The following CEP112 variants were observed in gnomAD, a reference collection of about 807,000 sequenced individuals.
CEP112 encodes the protein centrosomal protein 112.
Under a neutral mutation model 153.0 loss-of-function variants are expected in CEP112, and 127 were observed. The ratio of observed to expected loss-of-function variants is 0.83; its 90% confidence interval spans 0.72 to 0.96. The LOEUF (loss-of-function observed/expected upper bound fraction) is 0.96, where lower values mean the gene tolerates loss of function less well. Among genes scored for constraint, CEP112 ranks in the 40% least tolerant of loss-of-function variants. The probability of loss-of-function intolerance (pLI) is 0.00; values close to 1 mark genes in which losing one functional copy is unlikely to be tolerated. For synonymous variants in CEP112, 358 were observed against 374.4 expected, an observed-to-expected ratio of 0.96 and a Z score of 0.51; for missense variants, 1,089 against 1,101.2, an observed-to-expected ratio of 0.99 and a Z score of 0.16.
Position 65,965,518 on chromosome 17 carries a change from CTTTTTTT to C in CEP112, c.1737-3927_1737-3921del, listed in dbSNP as rs1555734628. Among the ~76,000 whole-genome samples the C allele has an allele frequency of 1.1e-4, 13 of 122,074 alleles. 1 individual carries two copies. Among genetic ancestry groups the C allele is most frequent in the African/African-American group, 4.3e-4 (13 of 30,386 alleles). 80.1% of individuals were successfully genotyped at this position (122,074 alleles called of 152,430 possible). ...CTAATATTTAGAAACCTTCTGCCCC[CTTTTTTT>C]TTTTTTTTTTTCTTTGAGACAGGGT... On this transcript the variant is annotated intron_variant, in intron 17 of 26. Coordinates refer to ENST00000535342, the MANE Select transcript of CEP112 (RefSeq NM_001199165.4).
chr17:65,758,883 C>T (rs1387633836), intron 21 of CEP112, among the ~76,000 whole-genome samples: 3 of 152,124 alleles, frequency 2.0e-5, no homozygotes, highest in Non-Finnish European at 4.4e-5. Context: ...GGCGTATGAA[C>T]CAGAGCAACT....
At chr17:65,755,614 T>G (rs893972365) in intron 21 of CEP112, among the ~76,000 whole-genome samples, 1 of 151,514 alleles carries the variant, frequency 6.6e-6, no homozygotes, top group African/African-American at 2.4e-5. Context: ...AGGATGGCAA[T>G]AGAGGAGGTG....
chr17:66,157,382 T>A (rs2071490034), intron 4 of CEP112, among the ~76,000 whole-genome samples: 1 of 152,124 alleles, frequency 6.6e-6, no homozygotes, highest in South Asian at 2.1e-4. Context: ...AAGGAAACAC[T>A]AAATATGGAA....
At chr17:65,637,863 T>C (rs900982208) in intron 25 of CEP112, among the ~76,000 whole-genome samples, 3 of 152,134 alleles carry the variant, frequency 2.0e-5, no homozygotes, top group African/African-American at 7.2e-5. Context: ...AATGAGTGAG[T>C]GTAAGGAAAA....
chr17:65,981,764 G>A (rs997413721), intron 17 of CEP112, among the ~76,000 whole-genome samples: 25 of 152,136 alleles, frequency 1.6e-4, no homozygotes, highest in Non-Finnish European at 2.8e-4. Context: ...TAGTAGAGAC[G>A]GGGTTTCGCC....
intron 6 of CEP112, among the ~76,000 whole-genome samples, chr17:66,112,615 A>G (rs1170785507): frequency 6.6e-6 from 1 of 152,038 alleles, no homozygotes; most frequent in Non-Finnish European, 1.5e-5. Flanking sequence ...CTACCTCAAC[A>G]TGGTACCAGA....
chr17:66,106,173 T>G (rs963417785), intron 6 of CEP112, among the ~76,000 whole-genome samples: 2 of 151,928 alleles, frequency 1.3e-5, no homozygotes, highest in Non-Finnish European at 2.9e-5. Context: ...AGAGGAAAGT[T>G]TATAGCAAGA....
chr17:65,787,167 T>C (rs544110045), intron 21 of CEP112, among the ~76,000 whole-genome samples: 2 of 152,310 alleles, frequency 1.3e-5, no homozygotes, highest in African/African-American at 4.8e-5. Context: ...TTTTTCTTTT[T>C]CAGAATAATT....
chr17:66,057,891 G>A (rs538116245), intron 11 of CEP112, among the ~76,000 whole-genome samples: 15 of 151,574 alleles, frequency 9.9e-5, no homozygotes, highest in Non-Finnish European at 1.9e-4. Flanking sequence ...CCAGGAGTTC[G>A]ATACCAGCCT....
intron 23 of CEP112, among the ~76,000 whole-genome samples, chr17:65,709,844 G>A (rs758411800): frequency 1.2e-4 from 19 of 152,076 alleles, no homozygotes; most frequent in Non-Finnish European, 1.8e-4. Context: ...ATCTTTCTTT[G>A]CTCTGCAATG....
At chr17:66,098,093 A>C in intron 6 of CEP112, among the ~76,000 whole-genome samples, 1 of 152,252 alleles carries the variant, frequency 6.6e-6, no homozygotes, top group Non-Finnish European at 1.5e-5. Flanking sequence ...TGGCAATTAA[A>C]GGCAATCAAT....
At chr17:65,660,177 CTCCTTCCT>C (rs71158401) in intron 24 of CEP112, among the ~76,000 whole-genome samples, 4 of 139,382 alleles carry the variant, frequency 2.9e-5, no homozygotes, top group South Asian at 2.3e-4. Context: ...ACCTTGATTT[CTCCTTCCT>C]TCCTTCCTTC....
intron 4 of CEP112, among the ~76,000 whole-genome samples, chr17:66,149,020 TTTC>T (rs1466521356): frequency 2.6e-5 from 4 of 152,168 alleles, no homozygotes; most frequent in Non-Finnish European, 4.4e-5. Flanking sequence ...CCAATTTAAG[TTTC>T]TTCTTATCAA....
chr17:66,066,831 T>C lies in CEP112; in HGVS notation c.902A>G (p.Tyr301Cys), dbSNP rs1215370727. The C allele has an allele frequency of 1.3e-6, 2 of 1,552,540 alleles. No individual in the cohort carries two copies. Among genetic ancestry groups the C allele is most frequent in the African/African-American group, 2.8e-5 (2 of 71,408 alleles). ...TTCAGTTTCATGTTGTTTACTCCTG[T>C]ATAAAGTTTTCAGTTCTTCTATTTC... is the stretch of plus-strand genomic sequence containing the variant. The part of the protein sequence containing the change: ...NNEIEELKTL[Y>C]RSKQHETEET... The change falls in exon 10 of 27, where the codon TAC (tyrosine) becomes TGC (cysteine). Residue 301 changes from tyrosine (Y) to cysteine (C), a missense_variant. Physicochemically the swap from Tyr to Cys is radical, Grantham distance 194. Coordinates refer to ENST00000535342, the MANE Select transcript of CEP112 (RefSeq NM_001199165.4).
intron 20 of CEP112, among the ~76,000 whole-genome samples, chr17:65,876,114 C>T (rs2058816845): frequency 6.6e-6 from 1 of 152,186 alleles, no homozygotes; most frequent in Non-Finnish European, 1.5e-5. Context: ...ACTGGATGTT[C>T]TTTCCAGACT....
intron 6 of CEP112, among the ~76,000 whole-genome samples, chr17:66,112,793 A>G (rs9911077): frequency 0.048 from 7,357 of 152,272 alleles, 233 homozygotes; most frequent in African/African-American, 0.07. Flanking sequence ...AAAATATAAA[A>G]AAATCAGCAG....
At chr17:66,039,851 T>C (rs1194319537) in intron 12 of CEP112, among the ~76,000 whole-genome samples, 1 of 152,170 alleles carries the variant, frequency 6.6e-6, no homozygotes, top group African/African-American at 2.4e-5. Context: ...CTTTTTGGGG[T>C]CAGGCTTCTT....
chr17:65,681,858 T>G (rs2144249090), intron 24 of CEP112, among the ~76,000 whole-genome samples: 1 of 151,836 alleles, frequency 6.6e-6, no homozygotes, highest in Admixed American at 6.6e-5. Flanking sequence ...GCAATTTTTT[T>G]TTTAAGAGAC....
At chr17:65,914,636 C>G (rs776049317) in intron 19 of CEP112, among the ~76,000 whole-genome samples, 2 of 152,140 alleles carry the variant, frequency 1.3e-5, no homozygotes, top group Non-Finnish European at 2.9e-5. Flanking sequence ...ACACTGGATT[C>G]CATCCTTTCT....
Sources: gnomAD v4.1 joint callset for allele counts (sites outside exome capture counted in the v4.1 genomes callset) on GRCh38, gnomAD v4.1.1 for gene constraint, MANE v1.5 for transcripts, NCBI Gene and HGNC (gene_info 2026-07-23, HGNC 2026-07-21) for gene names.